NRXN3: variants seen among roughly 807,000 people sequenced by gnomAD.
NRXN3 encodes neurexin 3.
A neutral mutation model predicts 137.6 loss-of-function variants in NRXN3; 32 were observed. The ratio of observed to expected loss-of-function variants is 0.23; its 90% confidence interval spans 0.18 to 0.31. The LOEUF is 0.31. Ranked by LOEUF, NRXN3 falls within the 10% of genes least tolerant of loss-of-function variation. The probability of loss-of-function intolerance (pLI) is 1.00; values close to 1 mark genes in which losing one functional copy is unlikely to be tolerated. For synonymous variants in NRXN3, 798 were observed against 784.5 expected, an observed-to-expected ratio of 1.02 and a Z score of -0.29; for missense variants, 1,574 against 2,062.5, an observed-to-expected ratio of 0.76 and a Z score of 4.59.
At chr14:79,082,631 T>C (rs1440064823) in intron 15 of NRXN3, among the ~76,000 whole-genome samples, 2 of 152,192 alleles carry the variant, frequency 1.3e-5, no homozygotes, top group Non-Finnish European at 2.9e-5. Flanking sequence ...TTAAATGGCT[T>C]GAACACAGAA....
At chr14:79,775,608 G>A (rs2099094521) in intron 19 of NRXN3, among the ~76,000 whole-genome samples, 1 of 149,714 alleles carries the variant, frequency 6.7e-6, no homozygotes, top group Non-Finnish European at 1.5e-5. Context: ...AGTAAGCCAA[G>A]GTTACAATCT....
chr14:78,487,983 C>A (rs1236756155), intron 4 of NRXN3, among the ~76,000 whole-genome samples: 2 of 152,078 alleles, frequency 1.3e-5, no homozygotes, highest in African/African-American at 4.8e-5. Context: ...AGGACTTGAA[C>A]AACAGAAATT....
intron 6 of NRXN3, among the ~76,000 whole-genome samples, chr14:78,691,825 C>G (rs969161882): frequency 2.0e-5 from 3 of 152,072 alleles, no homozygotes; most frequent in African/African-American, 7.2e-5. Flanking sequence ...ATGGTAAATA[C>G]AGAAGATGCT....
In NRXN3 at chr14:78,609,941, A is replaced by G. The variant is rs2097285636; in HGVS notation, c.758-35179A>G. Among the ~76,000 whole-genome samples, 4 of 151,610 alleles carry G rather than the reference A, an allele frequency of 2.6e-5. 1 individual carries two copies. In the South Asian group the frequency reaches 8.4e-4, roughly 32 times the overall value. On this transcript the variant is annotated intron_variant, in intron 4 of 20. Transcript: ENST00000335750. ...AAGTCCATGCATGGTACCAGCAAAC[A>G]GGGATCCTTGAAGAAGTGAATTCAC...
At chr14:79,166,421 G>A (rs541243086) in intron 15 of NRXN3, among the ~76,000 whole-genome samples, 18 of 151,388 alleles carry the variant, frequency 1.2e-4, no homozygotes, top group South Asian at 6.3e-4. Context: ...TCACACAAAC[G>A]TTCATCTATA....
At chr14:79,791,480 T>C (rs1275684562) in intron 19 of NRXN3, among the ~76,000 whole-genome samples, 1 of 144,014 alleles carries the variant, frequency 6.9e-6, no homozygotes, top group Non-Finnish European at 1.5e-5. Flanking sequence ...TTATATATTG[T>C]AATAATTATA....
At position 78,246,111 on chromosome 14, in the gene NRXN3, G is replaced by T. The variant is rs2067633046; in HGVS notation, c.709+2309G>T. Among the ~76,000 whole-genome samples the T allele has an allele frequency of 2.6e-5, 4 of 152,166 alleles. No homozygotes were observed. The South Asian group carries it at 8.3e-4, about 32-fold the overall frequency. The stretch of plus-strand genomic sequence containing the variant: ...GCATTCTTCCTTTCTAGGGACCAGG[G>T]TGTTTGCAAGTGTGTTGTTAGCTTG... On this transcript the variant is annotated intron_variant, in intron 2 of 20. Transcript: ENST00000335750.
At chr14:78,614,935 T>C (rs1050125043) in intron 4 of NRXN3, 5 of 456,490 alleles carry the variant, frequency 1.1e-5, no homozygotes, top group Admixed American at 2.4e-5. Flanking sequence ...CTAAGCCTTC[T>C]TCAGTGCCCA....
chr14:78,614,972 C>T (rs1601395427), intron 4 of NRXN3: 2 of 456,616 alleles, frequency 4.4e-6, no homozygotes, highest in Non-Finnish European at 8.8e-6. Context: ...TGGTGTTAGG[C>T]CCGGGAAGAA....
At chr14:78,743,591 A>G (rs2098592565) in intron 8 of NRXN3, among the ~76,000 whole-genome samples, 1 of 152,236 alleles carries the variant, frequency 6.6e-6, no homozygotes, top group Non-Finnish European at 1.5e-5. Flanking sequence ...TGCCCAAAAG[A>G]TAACTCTTAT....
chr14:79,119,023 T>C (rs2054957511), intron 15 of NRXN3, among the ~76,000 whole-genome samples: 1 of 152,196 alleles, frequency 6.6e-6, no homozygotes, highest in Admixed American at 6.5e-5. Context: ...ATTTAAATCA[T>C]ATATCTGAAG....
chr14:79,656,437 C>T (rs142489898), intron 16 of NRXN3, among the ~76,000 whole-genome samples: 4 of 152,190 alleles, frequency 2.6e-5, no homozygotes, highest in East Asian at 3.9e-4. Flanking sequence ...GTGGATGTTC[C>T]GAGTAGATTT....
At chr14:78,965,427 T>A (rs1182642347) in intron 11 of NRXN3, among the ~76,000 whole-genome samples, 1 of 152,078 alleles carries the variant, frequency 6.6e-6, no homozygotes, top group Non-Finnish European at 1.5e-5. Context: ...GTACATTGAG[T>A]GGTCTAGGCT....
intron 15 of NRXN3, among the ~76,000 whole-genome samples, chr14:79,021,753 T>C (rs79077203): frequency 0.022 from 3,395 of 152,310 alleles, 117 homozygotes; most frequent in African/African-American, 0.077. Flanking sequence ...ACCGGAAGCA[T>C]CACACAATAG....
intron 8 of NRXN3, among the ~76,000 whole-genome samples, chr14:78,765,432 C>A (rs1328279673): frequency 6.6e-6 from 1 of 152,192 alleles, no homozygotes. Flanking sequence ...GGATTACAGG[C>A]ATGAGCCACC....
At chr14:79,013,744 T>C (rs918463182) in intron 15 of NRXN3, among the ~76,000 whole-genome samples, 1 of 152,250 alleles carries the variant, frequency 6.6e-6, no homozygotes, top group Non-Finnish European at 1.5e-5. Context: ...ACGTGGCTTA[T>C]AGATCTAAAG....
At chr14:78,694,275 CAAT>C (rs1345605952) in intron 6 of NRXN3, among the ~76,000 whole-genome samples, 2 of 152,004 alleles carry the variant, frequency 1.3e-5, no homozygotes, top group Non-Finnish European at 2.9e-5. Context: ...GCATGACACT[CAAT>C]AAATATATGA....
chr14:79,784,181 G>A (rs188215698), intron 19 of NRXN3, among the ~76,000 whole-genome samples: 1 of 152,288 alleles, frequency 6.6e-6, no homozygotes, highest in Non-Finnish European at 1.5e-5. Context: ...AAAAAAATGT[G>A]AAGCATGGTG....
intron 15 of NRXN3, among the ~76,000 whole-genome samples, chr14:79,145,636 C>T (rs2059238082): frequency 6.6e-6 from 1 of 152,164 alleles, no homozygotes; most frequent in Non-Finnish European, 1.5e-5. Flanking sequence ...GGAATCTTTA[C>T]CTTTGCAATT....
Sources: allele counts gnomAD v4.1 joint callset (sites outside exome capture counted in the v4.1 genomes callset), GRCh38; gene constraint gnomAD v4.1.1; transcripts MANE v1.5; gene names NCBI Gene and HGNC (gene_info 2026-07-23, HGNC 2026-07-21).